The following CSMD1 variants were observed in gnomAD, a reference collection of about 807,000 sequenced individuals.
CSMD1 encodes CUB and sushi domain-containing protein 1.
A neutral mutation model predicts 417.5 loss-of-function variants in CSMD1; 213 were observed. That is an observed-to-expected ratio of 0.51 (90% confidence interval 0.46 to 0.57). The LOEUF is 0.57. CSMD1 is among the 20% of genes least tolerant of loss of function. The pLI is 0.00. For synonymous variants in CSMD1, 2,862 were observed against 1,736.8 expected (o/e 1.65, Z -16.11); for missense variants, 6,923 against 4,529.7 (o/e 1.53, Z -15.17).
At chr8:4,447,951 A>C (rs372484160) in intron 2 of CSMD1, among the ~76,000 whole-genome samples, 8 of 152,332 alleles carry the variant, frequency 5.3e-5, no homozygotes, top group African/African-American at 1.9e-4. Context: ...TATTTTTTAA[A>C]AGACAATGCT....
chr8:4,730,738 T>C lies in CSMD1; in HGVS notation c.86-93180A>G, dbSNP rs186881249. ...CCTGGGCGACAGAGCGAGACTCCAT[T>C]TCAAAAAAACAAATAAAAAAAAAAA... is the stretch of plus-strand genomic sequence containing the variant. On this transcript the variant is annotated intron_variant, in intron 1 of 69. Transcript: ENST00000635120. Among the ~76,000 whole-genome samples, 1,016 of 149,102 alleles carry C rather than the reference T, an allele frequency of 6.8e-3. 14 individuals carry two copies. The highest frequency in any genetic ancestry group is 0.024 in the African/African-American group (946 of 38,958).
At chr8:4,515,889 C>A (rs569830994) in intron 2 of CSMD1, among the ~76,000 whole-genome samples, 2 of 152,120 alleles carry the variant, frequency 1.3e-5, no homozygotes, top group Admixed American at 1.3e-4. Flanking sequence ...TTTACACATC[C>A]AATTATTTTA....
chr8:3,449,203 T>G (rs1359804230), intron 12 of CSMD1, among the ~76,000 whole-genome samples: 1 of 152,158 alleles, frequency 6.6e-6, no homozygotes, highest in Non-Finnish European at 1.5e-5. Flanking sequence ...ATTATTTGCA[T>G]CAAAATAGCA....
intron 3 of CSMD1, among the ~76,000 whole-genome samples, chr8:4,139,386 G>A (rs1014622094): frequency 6.6e-6 from 1 of 152,124 alleles, no homozygotes; most frequent in African/African-American, 2.4e-5. Context: ...TGTTTGAGCT[G>A]CTTTTAAGTG....
chr8:4,425,033 G>T (rs1048434385), intron 2 of CSMD1, among the ~76,000 whole-genome samples: 2 of 151,888 alleles, frequency 1.3e-5, no homozygotes, highest in African/African-American at 4.8e-5. Context: ...AAAGTAAGTT[G>T]AACAAAAACT....
intron 12 of CSMD1, among the ~76,000 whole-genome samples, chr8:3,438,026 T>G (rs374727680): frequency 5.9e-5 from 9 of 152,122 alleles, no homozygotes; most frequent in African/African-American, 1.9e-4. Flanking sequence ...ATTTCTAAAA[T>G]AGAGGTTTTT....
intron 5 of CSMD1, among the ~76,000 whole-genome samples, chr8:3,885,844 C>G (rs906716122): frequency 2.0e-5 from 3 of 152,098 alleles, no homozygotes; most frequent in African/African-American, 7.2e-5. Flanking sequence ...TGGCAAACGT[C>G]TCTGTGAACA....
intron 32 of CSMD1, 46 bp downstream of exon 32, chr8:3,201,566 C>T (rs747881106): frequency 9.7e-7 from 1 of 1,033,684 alleles, no homozygotes; most frequent in Non-Finnish European, 1.5e-6. Flanking sequence ...AATTAATCCC[C>T]CTAGCTGTCT....
At chr8:4,224,896 G>A (rs1801253596) in intron 3 of CSMD1, among the ~76,000 whole-genome samples, 1 of 39,970 alleles carries the variant, frequency 2.5e-5, no homozygotes, top group South Asian at 1.1e-3. Flanking sequence ...GATCATTTGA[G>A]GTCAGGAGTC....
intron 12 of CSMD1, among the ~76,000 whole-genome samples, chr8:3,447,783 G>C (rs528958850): frequency 6.6e-5 from 10 of 152,320 alleles, no homozygotes; most frequent in East Asian, 3.9e-4. Context: ...TGTGGCAGTG[G>C]ATGGAGGGTG....
At chr8:4,149,609 G>A (rs146261042) in intron 3 of CSMD1, among the ~76,000 whole-genome samples, 3 of 152,122 alleles carry the variant, frequency 2.0e-5, no homozygotes, top group African/African-American at 4.8e-5. Context: ...ATAAACAACT[G>A]GTCCTTCTGT....
intron 5 of CSMD1, among the ~76,000 whole-genome samples, chr8:3,897,101 G>A (rs949643185): frequency 6.6e-6 from 1 of 152,266 alleles, no homozygotes; most frequent in Non-Finnish European, 1.5e-5. Context: ...AATACTGGAT[G>A]TATTCATGAC....
At chr8:4,244,890 T>C (rs1490777687) in intron 3 of CSMD1, among the ~76,000 whole-genome samples, 1 of 152,184 alleles carries the variant, frequency 6.6e-6, no homozygotes. Flanking sequence ...TCCTGATAGA[T>C]ATAATGGAGA....
intron 8 of CSMD1, among the ~76,000 whole-genome samples, chr8:3,600,993 G>A (rs772746105): frequency 1.3e-5 from 2 of 152,166 alleles, no homozygotes; most frequent in Admixed American, 6.5e-5. Context: ...GGGGGTCTCT[G>A]TACTAATCTC....
At chr8:4,867,235 T>C (rs945220294) in intron 1 of CSMD1, among the ~76,000 whole-genome samples, 8 of 152,068 alleles carry the variant, frequency 5.3e-5, no homozygotes, top group Admixed American at 5.2e-4. Context: ...GCTGGAGTGT[T>C]TGGGGGTTGT....
rs949671433 is a variant in CSMD1, at chr8:4,130,603, C to T, written c.416-98504G>A. On this transcript the variant is annotated intron_variant, in intron 3 of 69. Coordinates refer to ENST00000635120, the MANE Select transcript of CSMD1 (RefSeq NM_033225.6). ...TTTTCTAACTTGCAAAATTGTATTA[C>T]GCTCTTGTCTTCTACCATTTAATTT... 2.6e-5 allele frequency among the ~76,000 whole-genome samples: 4 copies of T among 152,184 alleles called. 1 individual carries two copies. The highest frequency in any genetic ancestry group is 6.8e-3 in the Middle Eastern group (2 of 294).
chr8:4,623,042 A>G (rs973851229), intron 2 of CSMD1, among the ~76,000 whole-genome samples: 4 of 152,202 alleles, frequency 2.6e-5, no homozygotes, highest in African/African-American at 9.7e-5. Flanking sequence ...GTTGTTAAAT[A>G]TATACCATTA....
intron 18 of CSMD1, among the ~76,000 whole-genome samples, chr8:3,384,195 T>C (rs924318056): frequency 6.6e-6 from 1 of 152,152 alleles, no homozygotes; most frequent in Non-Finnish European, 1.5e-5. Flanking sequence ...AATAAATATG[T>C]AGACATCTTT....
intron 5 of CSMD1, among the ~76,000 whole-genome samples, chr8:3,855,002 G>C (rs1251697218): frequency 3.3e-5 from 5 of 152,088 alleles, no homozygotes; most frequent in Admixed American, 2.6e-4. Flanking sequence ...AATCCATACA[G>C]CCATACACAT....
Sources: gnomAD v4.1 joint callset for allele counts (sites outside exome capture counted in the v4.1 genomes callset) on GRCh38, gnomAD v4.1.1 for gene constraint, MANE v1.5 for transcripts, NCBI Gene and HGNC (gene_info 2026-07-23, HGNC 2026-07-21) for gene names.